The following UTRN variants were observed in gnomAD, a reference collection of about 807,000 sequenced individuals.
UTRN encodes dystrophin-related protein 1.
A neutral mutation model predicts 463.9 loss-of-function variants in UTRN; 283 were observed. The ratio of observed to expected loss-of-function variants is 0.61; its 90% CI spans 0.55 to 0.67. The LOEUF (loss-of-function observed/expected upper bound fraction) is 0.67. Ranked by LOEUF, UTRN falls within the 30% of genes least tolerant of loss-of-function variation. UTRN has a pLI of 0.00. For missense variants in UTRN, 3,922 were observed against 4,084.3 expected, an observed-to-expected ratio of 0.96 and a Z score of 1.08; for synonymous variants, 1,442 against 1,431.5, an observed-to-expected ratio of 1.01 and a Z score of -0.17.
At position 144,459,500 on chromosome 6, in the gene UTRN, T is replaced by A. The variant is rs1789196283; in HGVS notation, c.2707+146T>A. ...GCCTGTATTGTTCAAAGTCTTAAAG[T>A]CTTCTGTATTCAGATTCTTTTCCAG... On this transcript the variant is annotated intron_variant, in intron 21 of 74. Coordinates refer to ENST00000367545, the MANE Select transcript of UTRN (RefSeq NM_007124.3). The A allele has an allele frequency of 3.8e-6, 3 of 798,446 alleles. No individual in the cohort carries two copies. In the South Asian group the frequency reaches 8.8e-5, roughly 23 times the overall value. The allele number at this position is 798,446 out of a possible 1,614,324, so 49.5% of individuals were successfully genotyped here. A position where few individuals can be genotyped will look rare whatever the true frequency, so the allele number is the denominator to read the frequency against.
chr6:144,707,401 G>A (rs1785204124), intron 53 of UTRN, among the ~76,000 whole-genome samples: 1 of 152,188 alleles, frequency 6.6e-6, no homozygotes, highest in African/African-American at 2.4e-5. Context: ...TATGATCAGG[G>A]AAGAAATCAT....
intron 2 of UTRN, among the ~76,000 whole-genome samples, chr6:144,293,731 G>A (rs1251609585): frequency 6.6e-6 from 1 of 152,068 alleles, no homozygotes; most frequent in Non-Finnish European, 1.5e-5. Context: ...AGGATGTTAT[G>A]GTCAAATAGC....
chr6:144,679,687 A>T (rs1352611706), intron 52 of UTRN, among the ~76,000 whole-genome samples: 1 of 152,196 alleles, frequency 6.6e-6, no homozygotes, highest in Non-Finnish European at 1.5e-5. Context: ...ATTTTTATAC[A>T]TAAAGGGGCT....
Position 144,493,284 on chromosome 6 carries a change from C to A in UTRN, c.4438-17C>A, listed in dbSNP as rs777791375. 6.2e-7 allele frequency: 1 copy of A among 1,612,394 alleles called. No individual in the cohort carries two copies. The highest frequency in any genetic ancestry group is 8.5e-7 in the Non-Finnish European group (1 of 1,178,932). On this transcript the variant is annotated splice_polypyrimidine_tract_variant and intron_variant, in intron 32 of 74. Transcript: ENST00000367545. ...ACCACAGTGTGTAATTTGTCTTTTT[C>A]TTTGTTTGTTTTAAAGAAACTGTAT...
chr6:144,479,993 G>T lies in UTRN; in HGVS notation c.3507+11G>T, dbSNP rs951486329. On this transcript the variant is annotated intron_variant, in intron 26 of 74. Coordinates refer to ENST00000367545, the MANE Select transcript of UTRN (RefSeq NM_007124.3). ...GTGGAAGAGATGAAGGTGAGGCGGG[G>T]ACGACCAGTGCCAACAGGCTTCATG... is the stretch of plus-strand genomic sequence containing the variant. The T allele has an allele frequency of 1.2e-6, 2 of 1,612,232 alleles. No individual in the cohort carries two copies. The highest frequency in any genetic ancestry group is 1.7e-6 in the Non-Finnish European group (2 of 1,179,248).
intron 73 of UTRN, among the ~76,000 whole-genome samples, chr6:144,844,716 ATAAGCC>A (rs1186119437): frequency 3.9e-5 from 6 of 152,230 alleles, no homozygotes; most frequent in Non-Finnish European, 8.8e-5. Context: ...AAATATTTTA[ATAAGCC>A]TTTGTGATTC....
chr6:144,380,189 T>A (rs1780784480), intron 2 of UTRN, among the ~76,000 whole-genome samples: 1 of 152,108 alleles, frequency 6.6e-6, no homozygotes, highest in African/African-American at 2.4e-5. Context: ...TGGTAAAAAA[T>A]TATTTAATGT....
intron 53 of UTRN, among the ~76,000 whole-genome samples, chr6:144,704,261 A>G (rs982884589): frequency 1.3e-5 from 2 of 152,208 alleles, no homozygotes; most frequent in Non-Finnish European, 2.9e-5. Flanking sequence ...ATGAAAGAAT[A>G]TGAAGCCACC....
intron 65 of UTRN, among the ~76,000 whole-genome samples, chr6:144,815,680 C>T (rs1383932408): frequency 2.0e-5 from 3 of 152,194 alleles, no homozygotes; most frequent in African/African-American, 7.2e-5. Flanking sequence ...TCTTCTCCTG[C>T]CTGCTTTGTT....
chr6:144,762,652 G>C (rs1239006547), intron 58 of UTRN, among the ~76,000 whole-genome samples: 1 of 152,162 alleles, frequency 6.6e-6, no homozygotes, highest in African/African-American at 2.4e-5. Context: ...GTGCTTGCCA[G>C]TTGGACCTTG....
At chr6:144,628,811 C>G (rs1055955475) in intron 51 of UTRN, among the ~76,000 whole-genome samples, 2 of 152,146 alleles carry the variant, frequency 1.3e-5, no homozygotes, top group African/African-American at 2.4e-5. Context: ...ATTCACAACT[C>G]TCATCTCTTT....
intron 23 of UTRN, among the ~76,000 whole-genome samples, chr6:144,464,739 A>T (rs1254265678): frequency 6.6e-6 from 1 of 152,060 alleles, no homozygotes; most frequent in Non-Finnish European, 1.5e-5. Flanking sequence ...ACCTCAGGTG[A>T]TCCACCCTCC....
intron 2 of UTRN, among the ~76,000 whole-genome samples, chr6:144,357,131 A>T (rs1778632524): frequency 6.6e-6 from 1 of 152,046 alleles, no homozygotes; most frequent in South Asian, 2.1e-4. Context: ...AAGGTTTGAG[A>T]CTGTTGGAGC....
At chr6:144,794,020 G>C (rs1250665003) in intron 63 of UTRN, 29 bp downstream of exon 63, 1 of 1,609,576 alleles carries the variant, frequency 6.2e-7, no homozygotes, top group Non-Finnish European at 8.5e-7. Flanking sequence ...TGGTGTGTAG[G>C]ATGTGTTGGC....
chr6:144,694,510 A>G (rs985995409), intron 52 of UTRN, among the ~76,000 whole-genome samples: 2 of 152,070 alleles, frequency 1.3e-5, no homozygotes, highest in Non-Finnish European at 2.9e-5. Flanking sequence ...CTATGAATCC[A>G]TCTGGTCCTG....
intron 4 of UTRN, among the ~76,000 whole-genome samples, chr6:144,422,726 T>C (rs1784942125): frequency 6.6e-6 from 1 of 152,236 alleles, no homozygotes. Context: ...ATTTTATGTG[T>C]GGGGTACTCC....
chr6:144,703,560 G>A (rs1042751087), intron 53 of UTRN, among the ~76,000 whole-genome samples: 5 of 152,188 alleles, frequency 3.3e-5, no homozygotes, highest in Admixed American at 2.0e-4. Context: ...AACTGAGAAG[G>A]AAGAGCCAGA....
intron 51 of UTRN, among the ~76,000 whole-genome samples, chr6:144,584,864 A>T (rs890593297): frequency 6.6e-6 from 1 of 152,146 alleles, no homozygotes; most frequent in Admixed American, 6.5e-5. Flanking sequence ...TCAGTGGATA[A>T]GTTTATTCTG....
chr6:144,731,614 C>T (rs960733819), intron 54 of UTRN, among the ~76,000 whole-genome samples: 2 of 152,088 alleles, frequency 1.3e-5, no homozygotes, highest in East Asian at 1.9e-4. Context: ...TTCTTCAGTC[C>T]GAATAAATTT....
Sources: allele counts gnomAD v4.1 joint callset (sites outside exome capture counted in the v4.1 genomes callset), GRCh38; gene constraint gnomAD v4.1.1; transcripts MANE v1.5; gene names NCBI Gene and HGNC (gene_info 2026-07-23, HGNC 2026-07-21).